Variants in FAAH2 observed in about 807,000 individuals in gnomAD.
The protein encoded by FAAH2 is fatty acid amide hydrolase 2, also known as fatty-acid amide hydrolase 2.
A neutral mutation model predicts 36.9 loss-of-function variants in FAAH2; 60 were observed. The ratio of observed to expected loss-of-function variants is 1.63; its 90% CI spans 1.32 to 2.02. The LOEUF is 2.02. Among genes scored for constraint, FAAH2 ranks in the 30% most tolerant of loss-of-function variants. The pLI, the probability that FAAH2 is intolerant of heterozygous loss-of-function variation, is 0.00. For synonymous variants in FAAH2, 214 were observed against 143.8 expected (o/e 1.49, Z -3.49); for missense variants, 689 against 397.5 (o/e 1.73, Z -6.23).
rs763977357 is a variant in FAAH2, at chrX:57,302,570, C to A, written c.276-8023C>A. Among the ~76,000 whole-genome samples the A allele has an allele frequency of 8.1e-5, 9 of 110,742 alleles. No homozygotes were observed. In the South Asian group the frequency reaches 3.5e-3, roughly 43 times the overall value. ...TACTGTGGTATCATAGAGAAGGTTACTGATCCAAGACTGGAGAGGTGTCAG... is the reference window on the plus strand; with the variant it reads ...TACTGTGGTATCATAGAGAAGGTTAATGATCCAAGACTGGAGAGGTGTCAG... On this transcript the variant is annotated intron_variant, in intron 2 of 10. Coordinates refer to ENST00000374900, the MANE Select transcript of FAAH2 (RefSeq NM_174912.4).
At chrX:57,352,462 C>T (rs980452940) in intron 5 of FAAH2, among the ~76,000 whole-genome samples, 1 of 109,273 alleles carries the variant, frequency 9.2e-6, no homozygotes, top group Non-Finnish European at 1.9e-5. Context: ...AGCAACATAC[C>T]TAAAAATAAT....
At chrX:57,312,577 G>A (rs2052724708) in intron 3 of FAAH2, among the ~76,000 whole-genome samples, 1 of 110,265 alleles carries the variant, frequency 9.1e-6, no homozygotes, top group African/African-American at 3.3e-5. Flanking sequence ...CTACTTGGGA[G>A]GCTGAGGTAG....
chrX:57,397,946 A>C, intron 7 of FAAH2, among the ~76,000 whole-genome samples: 1 of 107,943 alleles, frequency 9.3e-6, no homozygotes, highest in Non-Finnish European at 1.9e-5. Context: ...GAGTGAGAAC[A>C]TGCGGTGTTT....
At chrX:57,379,206 C>T (rs773886707) in intron 6 of FAAH2, among the ~76,000 whole-genome samples, 1 of 111,180 alleles carries the variant, frequency 9.0e-6, no homozygotes, top group Non-Finnish European at 1.9e-5. Context: ...TTTTCTGTAG[C>T]AGTCATTTCA....
At chrX:57,350,445 A>G (rs746711712) in intron 5 of FAAH2, among the ~76,000 whole-genome samples, 6 of 110,072 alleles carry the variant, frequency 5.5e-5, no homozygotes, top group Non-Finnish European at 9.5e-5. Flanking sequence ...ACAACGTGGG[A>G]AAAAAAATAA....
chrX:57,232,836 T>C, the FAAH2 span, among the ~76,000 whole-genome samples: 9 of 112,475 alleles, frequency 8.0e-5, no homozygotes, highest in Non-Finnish European at 1.9e-5. Flanking sequence ...TCTGACTCAG[T>C]GGTATCTCTA....
At chrX:57,473,057 C>A (rs749933745) in intron 10 of FAAH2, among the ~76,000 whole-genome samples, 1 of 110,326 alleles carries the variant, frequency 9.1e-6, no homozygotes, top group Non-Finnish European at 1.9e-5. Flanking sequence ...CATGTTATTT[C>A]TTTTCTTCTG....
chrX:57,186,403 A>G, the FAAH2 span, among the ~76,000 whole-genome samples: 19 of 110,748 alleles, frequency 1.7e-4, no homozygotes, highest in Admixed American at 1.2e-3. Flanking sequence ...CCTTACCCAT[A>G]TTTTGATGTT....
At chrX:57,203,829 G>A in the FAAH2 span, among the ~76,000 whole-genome samples, 2 of 111,890 alleles carry the variant, frequency 1.8e-5, no homozygotes, top group African/African-American at 6.5e-5. Flanking sequence ...CAAGTTTGTA[G>A]AGTGTTCTTC....
chrX:57,305,312 A>G (rs2052490728), intron 2 of FAAH2, among the ~76,000 whole-genome samples: 2 of 110,916 alleles, frequency 1.8e-5, no homozygotes, highest in Non-Finnish European at 3.8e-5. Context: ...TGAAAATTTC[A>G]GTGAATGACA....
intron 10 of FAAH2, among the ~76,000 whole-genome samples, chrX:57,481,894 G>A (rs922294258): frequency 8.9e-6 from 1 of 111,878 alleles, no homozygotes; most frequent in Non-Finnish European, 1.9e-5. Context: ...CAGGGAGATG[G>A]TAGTTTTGTC....
At chrX:57,166,233 C>G in the FAAH2 span, among the ~76,000 whole-genome samples, 1 of 110,682 alleles carries the variant, frequency 9.0e-6, no homozygotes. Context: ...TACCTTCAAT[C>G]AATAAAACCA....
At position 57,488,910 on chromosome X, in the gene FAAH2, G is replaced by A; in HGVS notation, c.1577G>A (p.Trp526Ter). Residue 526 changes from tryptophan (W) to a stop codon, truncating the protein, a stop_gained, in exon 11 of 11, where the codon TGG becomes TAG. Transcript: ENST00000374900. LOFTEE classifies it high-confidence loss of function. Reference protein sequence around the residue: ...AQYLEKTFGGWVCPGKF With the variant: ...AQYLEKTFGG Reference sequence around the variant, plus strand: ...TACTTGGAGAAAACTTTTGGGGGCTGGGTCTGTCCAGGAAAGTTTTAGGAG... The same window carrying A: ...TACTTGGAGAAAACTTTTGGGGGCTAGGTCTGTCCAGGAAAGTTTTAGGAG... 1 of 1,210,419 alleles carries A rather than the reference G, an allele frequency of 8.3e-7. No individual in the cohort carries two copies. Among genetic ancestry groups the A allele is most frequent in the Non-Finnish European group, 1.1e-6 (1 of 895,130 alleles).
intron 10 of FAAH2, among the ~76,000 whole-genome samples, chrX:57,461,573 G>A (rs998936383): frequency 2.9e-4 from 32 of 111,169 alleles, no homozygotes; most frequent in Non-Finnish European, 5.5e-4. Context: ...ACAAAATTAA[G>A]GCAGAAATAA....
At chrX:57,222,964 A>G in the FAAH2 span, among the ~76,000 whole-genome samples, 3 of 110,953 alleles carry the variant, frequency 2.7e-5, no homozygotes, top group Non-Finnish European at 5.7e-5. Flanking sequence ...GCTAAGCACC[A>G]CCTCTAAAAA....
chrX:57,294,740 T>A (rs2052082780), intron 2 of FAAH2, among the ~76,000 whole-genome samples: 1 of 111,646 alleles, frequency 9.0e-6, no homozygotes, highest in Middle Eastern at 4.6e-3. Context: ...CTTAGTTAAT[T>A]TTTTAGGACT....
At position 57,303,646 on chromosome X, in the gene FAAH2, G is replaced by T. The variant is rs771408980; in HGVS notation, c.276-6947G>T. Among the ~76,000 whole-genome samples the T allele has an allele frequency of 2.7e-5, 3 of 111,788 alleles. No individual in the cohort carries two copies. The South Asian group carries it at 1.1e-3, about 42-fold the overall frequency. ...CTTGCAAGGTTATATAACCACCTCA[G>T]ATCAGTCTTTCTCCAAAGCCTGGGA... On this transcript the variant is annotated intron_variant, in intron 2 of 10. Coordinates refer to ENST00000374900, the MANE Select transcript of FAAH2 (RefSeq NM_174912.4).
intron 10 of FAAH2, among the ~76,000 whole-genome samples, chrX:57,487,890 A>G (rs1200626064): frequency 1.8e-5 from 2 of 112,134 alleles, no homozygotes; most frequent in African/African-American, 6.5e-5. Context: ...TATTAGTCCA[A>G]CTGTCCAGTA....
chrX:57,409,655 A>G (rs1451974641), intron 7 of FAAH2, among the ~76,000 whole-genome samples: 1 of 110,978 alleles, frequency 9.0e-6, no homozygotes, highest in African/African-American at 3.3e-5. Context: ...CTAGGAATTT[A>G]CTTATTTCTT....
Sources: allele counts gnomAD v4.1 joint callset (sites outside exome capture counted in the v4.1 genomes callset), GRCh38; gene constraint gnomAD v4.1.1; transcripts MANE v1.5; gene names NCBI Gene and HGNC (gene_info 2026-07-23, HGNC 2026-07-21).